Variants in RXFP2 observed in about 807,000 individuals in gnomAD.
The protein encoded by RXFP2 is relaxin family peptide receptor 2.
Under a neutral mutation model 88.6 loss-of-function variants are expected in RXFP2, and 68 were observed. The observed-to-expected ratio is 0.77, with a 90% CI of 0.63 to 0.94. RXFP2 has a LOEUF of 0.94. RXFP2 is among the 40% of genes least tolerant of loss of function. The probability of loss-of-function intolerance (pLI) is 0.00; values close to 1 mark genes in which losing one functional copy is unlikely to be tolerated. For missense variants in RXFP2, 791 were observed against 893.9 expected (o/e 0.88, Z 1.47); for synonymous variants, 329 against 306.8 (o/e 1.07, Z -0.76).
At chr13:31,789,965 T>G (rs1161841943) in intron 14 of RXFP2, among the ~76,000 whole-genome samples, 2 of 152,186 alleles carry the variant, frequency 1.3e-5, no homozygotes, top group African/African-American at 2.4e-5. Context: ...GTGGCACTAT[T>G]AGATAAATGT....
In RXFP2 at chr13:31,797,197, A is replaced by G; in HGVS notation, c.1787-4A>G. ...AGATGTTAAAAGTGTGCTTTTCCCA[A>G]CAGGTGTGAACTTGCTGGCTTTTCT... On this transcript the variant is annotated splice_region_variant and splice_polypyrimidine_tract_variant and intron_variant, in intron 16 of 17. Coordinates refer to ENST00000298386, the MANE Select transcript of RXFP2 (RefSeq NM_130806.5). 9.4e-6 allele frequency: 15 copies of G among 1,601,664 alleles called. No homozygotes were observed. Among genetic ancestry groups the G allele is most frequent in the Non-Finnish European group, 1.3e-5 (15 of 1,168,670 alleles).
chr13:31,765,128 C>A lies in RXFP2; in HGVS notation c.411C>A (p.Asn137Lys). Reference sequence around the variant, plus strand: ...TAAAGTCTGTGCCGATGATTTCTAACAATGTGACATTACTGTGAGTAAAAC... The same window carrying A: ...TAAAGTCTGTGCCGATGATTTCTAAAAATGTGACATTACTGTGAGTAAAAC... ...GDLKSVPMIS[N>K]NVTLLSLKKN... Residue 137 changes from asparagine (N) to lysine (K), a missense_variant, in exon 4 of 18, where the codon AAC becomes AAA. Asn to Lys is a moderately conservative substitution (Grantham distance 94, BLOSUM62 0). Transcript: ENST00000298386. 6.3e-7 allele frequency: 1 copy of A among 1,593,270 alleles called. No homozygotes were observed. Among genetic ancestry groups the A allele is most frequent in the Non-Finnish European group, 8.6e-7 (1 of 1,161,388 alleles).
At chr13:31,766,107 A>G (rs909253903) in intron 5 of RXFP2, 80 bp downstream of exon 5, 2 of 760,652 alleles carry the variant, frequency 2.6e-6, no homozygotes, top group Non-Finnish European at 4.7e-6. Context: ...AAAATAAAAT[A>G]TTGTTTGTTA....
intron 1 of RXFP2, among the ~76,000 whole-genome samples, chr13:31,756,279 G>T (rs1032838344): frequency 6.6e-6 from 1 of 152,178 alleles, no homozygotes; most frequent in East Asian, 1.9e-4. Context: ...AAGAACCAAA[G>T]TAGACGTGCC....
At chr13:31,774,009 C>T (rs1235995774) in intron 5 of RXFP2, among the ~76,000 whole-genome samples, 1 of 152,160 alleles carries the variant, frequency 6.6e-6, no homozygotes, top group Non-Finnish European at 1.5e-5. Context: ...AGCGCAATTA[C>T]GGAATCAATA....
At chr13:31,781,094 G>T (rs1373753799) in intron 9 of RXFP2, among the ~76,000 whole-genome samples, 1 of 152,194 alleles carries the variant, frequency 6.6e-6, no homozygotes, top group African/African-American at 2.4e-5. Flanking sequence ...TTTGGCCTGA[G>T]ATTCTCCTTC....
At chr13:31,754,762 A>C (rs1271883714) in intron 1 of RXFP2, among the ~76,000 whole-genome samples, 2 of 152,246 alleles carry the variant, frequency 1.3e-5, no homozygotes, top group Non-Finnish European at 2.9e-5. Flanking sequence ...AGCTTTCAAA[A>C]GAGATTTGAA....
Position 31,772,143 on chromosome 13 carries a change from T to C in RXFP2, c.498-2477T>C, listed in dbSNP as rs147847967. 4.9e-3 allele frequency among the ~76,000 whole-genome samples: 742 copies of C among 152,318 alleles called. 6 individuals are homozygous for C. Among genetic ancestry groups the C allele is most frequent in the African/African-American group, 0.017 (718 of 41,566 alleles). On this transcript the variant is annotated intron_variant, in intron 5 of 17. Transcript: ENST00000298386. ...CCTTTCAGGGAAATAAAATACAATT[T>C]ATGGAATTGACTATAATACTTTATC...
At chr13:31,795,736 T>A (rs769654561) in intron 16 of RXFP2, among the ~76,000 whole-genome samples, 31 of 152,278 alleles carry the variant, frequency 2.0e-4, no homozygotes, top group Non-Finnish European at 3.5e-4. Flanking sequence ...TTTTAACAAC[T>A]TTGAAAATAT....
chr13:31,780,642 A>G (rs1186686706), intron 9 of RXFP2, among the ~76,000 whole-genome samples: 14 of 152,218 alleles, frequency 9.2e-5, no homozygotes. Context: ...TAAGAAGCTG[A>G]CTATGAAAAG....
intron 1 of RXFP2, among the ~76,000 whole-genome samples, chr13:31,756,835 G>A (rs2138400942): frequency 6.6e-6 from 1 of 152,122 alleles, no homozygotes; most frequent in East Asian, 1.9e-4. Flanking sequence ...TGGCCAGGCT[G>A]GTCTCAAACT....
At chr13:31,764,827 C>T (rs1467660482) in intron 3 of RXFP2, among the ~76,000 whole-genome samples, 1 of 152,160 alleles carries the variant, frequency 6.6e-6, no homozygotes, top group East Asian at 1.9e-4. Flanking sequence ...TCTGAAATGA[C>T]TACTAGAAGC....
At position 31,750,564 on chromosome 13, in the gene RXFP2, T is replaced by TA. The variant is rs546540034; in HGVS notation, c.95-7693dup. On this transcript the variant is annotated intron_variant, in intron 1 of 17. Coordinates refer to ENST00000298386, the MANE Select transcript of RXFP2 (RefSeq NM_130806.5). ...CCTCTGATCTAACGCATGTCAGAGATAGTCAGTGTATTGACAAAGAAAATG... is the reference window on the plus strand; with the variant it reads ...CCTCTGATCTAACGCATGTCAGAGATAAGTCAGTGTATTGACAAAGAAAATG... 7.9e-5 allele frequency among the ~76,000 whole-genome samples: 12 copies of TA among 152,286 alleles called. No individual in the cohort carries two copies. In the South Asian group the frequency reaches 2.3e-3, roughly 29 times the overall value.
chr13:31,750,551 C>T (rs541502850), intron 1 of RXFP2, among the ~76,000 whole-genome samples: 18 of 152,094 alleles, frequency 1.2e-4, no homozygotes, highest in Middle Eastern at 3.4e-3. Context: ...TCTGATCTAA[C>T]GCATGTCAGA....
At position 31,790,678 on chromosome 13, in the gene RXFP2, T is replaced by G. The variant is rs141820792; in HGVS notation, c.1146-1128T>G. ...GAGAGTAAAGGAGCAAGTGAGTAAA[T>G]AGTGAATAAGTGCTACAAATTTAAA... is the stretch of plus-strand genomic sequence containing the variant. On this transcript the variant is annotated intron_variant, in intron 14 of 17. Coordinates refer to ENST00000298386, the MANE Select transcript of RXFP2 (RefSeq NM_130806.5). Among the ~76,000 whole-genome samples, 6 of 152,242 alleles carry G rather than the reference T, an allele frequency of 3.9e-5. No homozygotes were observed. In the East Asian group the frequency reaches 1.2e-3, roughly 29 times the overall value.
chr13:31,762,476 G>A (rs1029413397), intron 3 of RXFP2, among the ~76,000 whole-genome samples: 9 of 152,230 alleles, frequency 5.9e-5, no homozygotes, highest in Non-Finnish European at 8.8e-5. Context: ...GGCAGGAGCC[G>A]AGCCTAGAAG....
intron 5 of RXFP2, among the ~76,000 whole-genome samples, chr13:31,771,071 G>A (rs1324012): frequency 0.15 from 22,094 of 152,198 alleles, 1,597 homozygotes; most frequent in Middle Eastern, 0.19. Flanking sequence ...AGCGTATGCC[G>A]GAGAGGTCAC....
Position 31,786,563 on chromosome 13 carries a change from A to T in RXFP2, c.1002-3A>T, listed in dbSNP as rs1285998776. The T allele has an allele frequency of 1.9e-6, 3 of 1,603,426 alleles. No individual in the cohort carries two copies. The African/African-American group carries it at 4.0e-5, about 22-fold the overall frequency. On this transcript the variant is annotated splice_region_variant and splice_polypyrimidine_tract_variant and intron_variant, in intron 12 of 17. Coordinates refer to ENST00000298386, the MANE Select transcript of RXFP2 (RefSeq NM_130806.5). ...CTCTCTCATCTAATGGTAAAAAAAA[A>T]AGGAACCTGTCATCCAATCCTCTTA...
chr13:31,792,862 G>T lies in RXFP2; in HGVS notation c.1560G>T (p.Lys520Asn), dbSNP rs1402149190. 12 of 1,614,194 alleles carry T rather than the reference G, an allele frequency of 7.4e-6. No homozygotes were observed. Among genetic ancestry groups the T allele is most frequent in the Non-Finnish European group, 1.0e-5 (12 of 1,180,044 alleles). Residue 520 changes from lysine (K) to asparagine (N), a missense_variant, in exon 16 of 18, where the codon AAG becomes AAT. Physicochemically the swap from Lys to Asn is moderately conservative, Grantham distance 94. Transcript: ENST00000298386. ...VLLLTYLTLEKFLVIVFPFSN... is the reference protein window; with the variant it reads ...VLLLTYLTLENFLVIVFPFSN... ...TACTGACCTACTTGACTTTGGAGAA[G>T]TTCCTGGTCATTGTCTTCCCCTTCA...
Sources: gnomAD v4.1 joint callset for allele counts (sites outside exome capture counted in the v4.1 genomes callset) on GRCh38, gnomAD v4.1.1 for gene constraint, MANE v1.5 for transcripts, NCBI Gene and HGNC (gene_info 2026-07-23, HGNC 2026-07-21) for gene names.